The following PTBP1 variants were observed in gnomAD, a reference collection of about 807,000 sequenced individuals.
PTBP1 encodes the protein polypyrimidine tract-binding protein 1.
Under a neutral mutation model 59.8 loss-of-function variants are expected in PTBP1, and 8 were observed. The ratio of observed to expected loss-of-function variants is 0.13; its 90% CI spans 0.08 to 0.24. PTBP1 has a LOEUF of 0.24. Among genes scored for constraint, PTBP1 ranks in the 10% least tolerant of loss-of-function variants. PTBP1 has a pLI of 1.00. For missense variants in PTBP1, 686 were observed against 767.0 expected (o/e 0.89, Z 1.25); for synonymous variants, 490 against 320.7 (o/e 1.53, Z -5.64).
In PTBP1 at chr19:797,523, C is replaced by T. The variant is rs1195622416; in HGVS notation, c.8+18C>T. Reference sequence around the variant, plus strand: ...ATGGACGGGTGAGTCGCACGTCGCCCCGCGCCCCACCGCCCTCCCCGCGCC... The same window carrying T: ...ATGGACGGGTGAGTCGCACGTCGCCTCGCGCCCCACCGCCCTCCCCGCGCC... On this transcript the variant is annotated intron_variant, in intron 1 of 14. Transcript: ENST00000356948. 2 of 1,500,568 alleles carry T rather than the reference C, an allele frequency of 1.3e-6. No homozygotes were observed. Among genetic ancestry groups the T allele is most frequent in the Admixed American group, 4.3e-5 (2 of 47,012 alleles). 93.0% of individuals were successfully genotyped at this position (1,500,568 alleles called of 1,614,324 possible).
intron 13 of PTBP1, 88 bp from the exon 14 acceptor site, chr19:810,455 G>C: frequency 8.5e-7 from 1 of 1,171,918 alleles, no homozygotes; most frequent in Non-Finnish European, 1.2e-6. Flanking sequence ...CGGCTACTCT[G>C]AAAACTAGTC....
In PTBP1 at chr19:808,006, G is replaced by A; in HGVS notation, c.1153+104G>A. On this transcript the variant is annotated intron_variant, in intron 11 of 14. Coordinates refer to ENST00000356948, the MANE Select transcript of PTBP1 (RefSeq NM_002819.5). The surrounding 1 kb of genome is among the most constrained non-coding windows in gnomAD (Gnocchi z 4.7). ...TTGCGGTTTGGCACTCTGATGCTCC[G>A]TGGCATCCGCCTCGTTTTATGGTTT... The A allele has an allele frequency of 9.5e-7, 1 of 1,048,814 alleles. No homozygotes were observed. Among genetic ancestry groups the A allele is most frequent in the Non-Finnish European group, 1.5e-6 (1 of 670,918 alleles). The allele number at this position is 1,048,814 out of a possible 1,614,324, so 65.0% of individuals were successfully genotyped here.
In PTBP1 at chr19:812,234, GCCCTGTGTT is replaced by G. The variant is rs1288856424; in HGVS notation, c.*1410_*1418del. On this transcript the variant is annotated 3_prime_UTR_variant, in exon 15 of 15. Transcript: ENST00000356948. The stretch of plus-strand genomic sequence containing the variant: ...GTTTGAGAAACTCCTCCCTTGTCTA[GCCCTGTGTT>G]CGCTGTGGACGCTGTAGAGGCAGGT... 6.6e-6 allele frequency: 1 copy of G among 152,640 alleles called. No individual in the cohort carries two copies. The highest frequency in any genetic ancestry group is 1.5e-5 in the Non-Finnish European group (1 of 68,274). The allele number at this position is 152,640 out of a possible 1,614,324, so 9.5% of individuals were successfully genotyped here.
Position 810,601 on chromosome 19 carries a change from A to C in PTBP1, c.1522A>C (p.Lys508Gln). The part of the protein sequence containing the change: ...VLFSSNGGVV[K>Q]GFKFFQKDRK... ...GTTTTCCAGCAATGGGGGCGTCGTC[A>C]AAGGATTCAAGTTCTTCCAGTGAGT... Residue 508 changes from lysine to glutamine, a missense_variant, in exon 14 of 15, where the codon AAA becomes CAA. Lys to Gln is a moderately conservative substitution (Grantham distance 53). Transcript: ENST00000356948. The C allele has an allele frequency of 6.2e-7, 1 of 1,613,790 alleles. No individual in the cohort carries two copies. Among genetic ancestry groups the C allele is most frequent in the Non-Finnish European group, 8.5e-7 (1 of 1,179,906 alleles).
intron 2 of PTBP1, among the ~76,000 whole-genome samples, chr19:803,226 C>T (rs2034415100): frequency 1.3e-5 from 2 of 152,118 alleles, no homozygotes; most frequent in Non-Finnish European, 2.9e-5. Flanking sequence ...CCGCTGGCAG[C>T]ACAGTGAGGC....
intron 10 of PTBP1, chr19:806,784 A>C (rs1461669644): frequency 2.2e-6 from 1 of 464,328 alleles, no homozygotes; most frequent in South Asian, 4.3e-5. Flanking sequence ...TGATACGCAG[A>C]ATGAATTATT....
chr19:798,078 C>T (rs1454408361), intron 1 of PTBP1, among the ~76,000 whole-genome samples: 1 of 151,728 alleles, frequency 6.6e-6, no homozygotes, highest in Non-Finnish European at 1.5e-5. Flanking sequence ...GGGCCCGAGT[C>T]TCTGCGCTCC....
intron 10 of PTBP1, 84 bp downstream of exon 10, chr19:806,640 G>T: frequency 2.3e-6 from 3 of 1,331,032 alleles, no homozygotes; most frequent in Non-Finnish European, 3.0e-6. Context: ...TCCCGGAGCA[G>T]CGCCGCCCCT....
At chr19:799,313 C>T (rs755431330) in intron 1 of PTBP1, 100 bp from the exon 2 acceptor site, 2 of 1,091,216 alleles carry the variant, frequency 1.8e-6, no homozygotes, top group Non-Finnish European at 2.8e-6. Context: ...GAGGTGGCAG[C>T]TGCAGGGACC....
chr19:804,795 GGCAGGA>G, intron 6 of PTBP1, 28 bp from the exon 7 acceptor site: 1 of 1,609,246 alleles, frequency 6.2e-7, no homozygotes, highest in Non-Finnish European at 8.5e-7. Context: ...GTGGGCACCG[GGCAGGA>G]GCTCATGCTG....
At chr19:806,577 C>T (rs761608624) in intron 10 of PTBP1, 21 bp downstream of exon 10, 20 of 1,475,422 alleles carry the variant, frequency 1.4e-5, no homozygotes, top group Non-Finnish European at 1.6e-5. Context: ...TTTTCCTCCG[C>T]GCCGCCGTTC....
chr19:806,650 T>C lies in PTBP1; in HGVS notation c.1119+94T>C, dbSNP rs1016023628. On this transcript the variant is annotated intron_variant, in intron 10 of 14. Coordinates refer to ENST00000356948, the MANE Select transcript of PTBP1 (RefSeq NM_002819.5). ...TCGGGTCCCGGAGCAGCGCCGCCCC[T>C]CGCTGTGTCTGCGCCTCTGCCCTGG... 4.0e-6 allele frequency: 5 copies of C among 1,261,868 alleles called. No individual in the cohort carries two copies. The East Asian group carries it at 1.2e-4, about 31-fold the overall frequency. 78.2% of individuals were successfully genotyped at this position (1,261,868 alleles called of 1,614,324 possible).
In PTBP1 at chr19:809,249, C is replaced by T. The variant is rs1370032671; in HGVS notation, c.1463+487C>T. Among the ~76,000 whole-genome samples, 9 of 151,762 alleles carry T rather than the reference C, an allele frequency of 5.9e-5. No homozygotes were observed. In the South Asian group the frequency reaches 6.3e-4, roughly 11 times the overall value. The stretch of plus-strand genomic sequence containing the variant: ...ATCTTGATCTCCTGACCTTGTGATC[C>T]GCCTGCTTCGGCCTCCCAAAGTGCT... On this transcript the variant is annotated intron_variant, in intron 13 of 14. Coordinates refer to ENST00000356948, the MANE Select transcript of PTBP1 (RefSeq NM_002819.5).
chr19:806,107 C>G (rs79381913), intron 9 of PTBP1: 3 of 330,400 alleles, frequency 9.1e-6, no homozygotes, highest in Non-Finnish European at 1.6e-5. Flanking sequence ...CCCTGCTTGC[C>G]GAGGGCCCCG....
rs2034878162 is a variant in PTBP1 at position 811,588 on chromosome 19, T to C, written c.*762T>C. 6.6e-6 allele frequency: 1 copy of C among 152,414 alleles called. No individual in the cohort carries two copies. Among genetic ancestry groups the C allele is most frequent in the South Asian group, 2.1e-4 (1 of 4,834 alleles). The allele number at this position is 152,414 out of a possible 1,614,324, so 9.4% of individuals were successfully genotyped here. The stretch of plus-strand genomic sequence containing the variant: ...GGTATGAGTGTAATCTAAACTTCCT[T>C]GTGGTATTACCTTGTATGCTGTTAC... On this transcript the variant is annotated 3_prime_UTR_variant, in exon 15 of 15. Transcript: ENST00000356948.
At position 808,274 on chromosome 19, in the gene PTBP1, T is replaced by C. The variant is rs2034670244; in HGVS notation, c.1154-86T>C. On this transcript the variant is annotated intron_variant, in intron 11 of 14. Coordinates refer to ENST00000356948, the MANE Select transcript of PTBP1 (RefSeq NM_002819.5). This position sits in a 1 kb window ranked among gnomAD's most constrained non-coding sequence, Gnocchi z 4.7. The stretch of plus-strand genomic sequence containing the variant: ...AACCCGGCCGGGCTGAGCCGGGCCT[T>C]GTGGGGGTGCGCGGGGCCGGGGCTG... The C allele has an allele frequency of 1.6e-5, 18 of 1,104,952 alleles. No homozygotes were observed. Among genetic ancestry groups the C allele is most frequent in the Non-Finnish European group, 2.4e-5 (18 of 746,528 alleles). 68.4% of individuals were successfully genotyped at this position (1,104,952 alleles called of 1,614,324 possible).
At chr19:803,759 G>A (rs1232579861) in intron 3 of PTBP1, 123 bp downstream of exon 3, 5 of 929,204 alleles carry the variant, frequency 5.4e-6, no homozygotes, top group Non-Finnish European at 8.3e-6. Flanking sequence ...CCACGCTACA[G>A]ACCCAGGTCC....
Position 811,588 on chromosome 19 carries a change from TGTG to T in PTBP1, c.*765_*767del, listed in dbSNP as rs1480167762. ...GGTATGAGTGTAATCTAAACTTCCT[TGTG>T]GTATTACCTTGTATGCTGTTACTTT... On this transcript the variant is annotated 3_prime_UTR_variant, in exon 15 of 15. Transcript: ENST00000356948. The T allele has an allele frequency of 6.6e-6, 1 of 152,414 alleles. No individual in the cohort carries two copies. The highest frequency in any genetic ancestry group is 1.5e-5 in the Non-Finnish European group (1 of 68,050). 9.4% of individuals were successfully genotyped at this position (152,414 alleles called of 1,614,324 possible). A position where few individuals can be genotyped will look rare whatever the true frequency, so the allele number is the denominator to read the frequency against.
Position 804,954 on chromosome 19 carries a change from C to CG in PTBP1, c.717+18dup. On this transcript the variant is annotated intron_variant, in intron 7 of 14. Transcript: ENST00000356948. ...ACGCCAAGCTGGTGAGTGGGGCTCCCGGGACGGCGCCCGCCCTGGCCCTGG... is the reference window on the plus strand; with the variant it reads ...ACGCCAAGCTGGTGAGTGGGGCTCCCGGGGACGGCGCCCGCCCTGGCCCTGG... The CG allele has an allele frequency of 1.2e-6, 2 of 1,612,634 alleles. No individual in the cohort carries two copies. Among genetic ancestry groups the CG allele is most frequent in the Non-Finnish European group, 1.7e-6 (2 of 1,179,102 alleles).
Sources: gnomAD v4.1 joint callset for allele counts (sites outside exome capture counted in the v4.1 genomes callset) on GRCh38, gnomAD v4.1.1 for gene constraint, Gnocchi (gnomAD v3.1) non-coding constraint, MANE v1.5 for transcripts, NCBI Gene and HGNC (gene_info 2026-07-23, HGNC 2026-07-21) for gene names.